Variants in NRXN3 observed in about 807,000 individuals in gnomAD.
NRXN3 encodes neurexin III.
In NRXN3, 32 loss-of-function variants were observed where a neutral mutation model predicts 137.6. The ratio of observed to expected loss-of-function variants is 0.23; its 90% CI spans 0.18 to 0.31. The LOEUF (loss-of-function observed/expected upper bound fraction) is 0.31, where lower values mean the gene tolerates loss of function less well. NRXN3 is among the 10% of genes least tolerant of loss of function. The pLI is 1.00. For synonymous variants in NRXN3, 798 were observed against 784.5 expected (o/e 1.02, Z -0.29); for missense variants, 1,574 against 2,062.5 (o/e 0.76, Z 4.59).
At chr14:78,358,636 C>T (rs1254761574) in intron 4 of NRXN3, among the ~76,000 whole-genome samples, 2 of 152,106 alleles carry the variant, frequency 1.3e-5, no homozygotes, top group African/African-American at 4.8e-5. Flanking sequence ...TGGCTAAGAA[C>T]GTTTGGGTAG....
intron 15 of NRXN3, among the ~76,000 whole-genome samples, chr14:79,062,099 T>C (rs1280645843): frequency 1.3e-5 from 2 of 152,220 alleles, no homozygotes; most frequent in African/African-American, 4.8e-5. Flanking sequence ...ACTGGCTATT[T>C]GGTATCTTCA....
chr14:79,515,568 G>GTT (rs144824917), intron 16 of NRXN3, among the ~76,000 whole-genome samples: 1,993 of 142,528 alleles, frequency 0.014, 196 homozygotes, highest in African/African-American at 0.059. Flanking sequence ...ATAAAGAGTA[G>GTT]TTTCTTACAT....
chr14:79,721,563 A>AG (rs1429933131), intron 19 of NRXN3, among the ~76,000 whole-genome samples: 1 of 152,142 alleles, frequency 6.6e-6, no homozygotes, highest in African/African-American at 2.4e-5. Flanking sequence ...GGGAATGATT[A>AG]GGGGAATTGA....
intron 4 of NRXN3, among the ~76,000 whole-genome samples, chr14:78,399,514 C>G (rs2091846804): frequency 6.6e-6 from 1 of 152,166 alleles, no homozygotes; most frequent in Non-Finnish European, 1.5e-5. Flanking sequence ...GTGCTGGACT[C>G]TCCTTAAAGC....
intron 4 of NRXN3, among the ~76,000 whole-genome samples, chr14:78,302,413 G>A (rs1597067857): frequency 6.6e-6 from 1 of 152,002 alleles, no homozygotes; most frequent in South Asian, 2.1e-4. Flanking sequence ...CTTGTTTTAC[G>A]GATAAGAACA....
At chr14:79,448,697 A>G (rs948698536) in intron 15 of NRXN3, among the ~76,000 whole-genome samples, 1 of 152,194 alleles carries the variant, frequency 6.6e-6, no homozygotes, top group African/African-American at 2.4e-5. Flanking sequence ...CTATAGAGCA[A>G]CCTGTGTCTG....
At chr14:79,171,875 A>C (rs575634901) in intron 15 of NRXN3, among the ~76,000 whole-genome samples, 3 of 151,668 alleles carry the variant, frequency 2.0e-5, no homozygotes, top group Non-Finnish European at 4.4e-5. Flanking sequence ...AGTTTAGTGG[A>C]ACTAAACTTT....
chr14:79,058,337 A>G (rs2152636410), intron 15 of NRXN3, among the ~76,000 whole-genome samples: 1 of 152,268 alleles, frequency 6.6e-6, no homozygotes, highest in Middle Eastern at 3.4e-3. Flanking sequence ...CCAGGTTTTT[A>G]GAATAACAAA....
chr14:78,813,958 T>C (rs979921293), intron 10 of NRXN3, among the ~76,000 whole-genome samples: 1 of 152,216 alleles, frequency 6.6e-6, no homozygotes, highest in African/African-American at 2.4e-5. Context: ...TAATCAGCTC[T>C]TCTTTCTGCC....
chr14:79,224,055 C>T (rs17108966), intron 15 of NRXN3, among the ~76,000 whole-genome samples: 3 of 151,980 alleles, frequency 2.0e-5, no homozygotes, highest in African/African-American at 4.8e-5. Context: ...CAACTTAGAG[C>T]GGACACATAG....
chr14:78,186,670 G>T (rs1378069503), intron 1 of NRXN3, among the ~76,000 whole-genome samples: 1 of 152,172 alleles, frequency 6.6e-6, no homozygotes, highest in South Asian at 2.1e-4. Context: ...TTAATAGGGG[G>T]TCCTCTCCCT....
intron 15 of NRXN3, among the ~76,000 whole-genome samples, chr14:79,211,021 TG>T (rs2067576475): frequency 6.6e-6 from 1 of 152,102 alleles, no homozygotes; most frequent in Non-Finnish European, 1.5e-5. Flanking sequence ...AAATAGAAAA[TG>T]TGGTCGCTAC....
intron 9 of NRXN3, among the ~76,000 whole-genome samples, chr14:78,805,617 G>C (rs912309440): frequency 4.2e-5 from 6 of 143,944 alleles, no homozygotes; most frequent in African/African-American, 1.4e-4. Flanking sequence ...AAAAAAAACA[G>C]AACCAAATAC....
At chr14:78,171,131 C>T (rs1211460025) in intron 1 of NRXN3, among the ~76,000 whole-genome samples, 1 of 151,104 alleles carries the variant, frequency 6.6e-6, no homozygotes, top group Non-Finnish European at 1.5e-5. Context: ...AGAAAGGACA[C>T]TCTGAGGATC....
At chr14:78,754,478 A>G (rs976936365) in intron 8 of NRXN3, among the ~76,000 whole-genome samples, 7 of 152,190 alleles carry the variant, frequency 4.6e-5, no homozygotes, top group African/African-American at 1.4e-4. Flanking sequence ...TCTTCTTCAC[A>G]TATTTTCTCA....
At chr14:79,709,668 C>T (rs775869407) in intron 19 of NRXN3, among the ~76,000 whole-genome samples, 1 of 151,998 alleles carries the variant, frequency 6.6e-6, no homozygotes, top group Admixed American at 6.6e-5. Context: ...CTTTCTCCTC[C>T]CGGATACTGA....
At chr14:78,715,264 T>A in intron 8 of NRXN3, 125 bp downstream of exon 8, 1 of 1,266,934 alleles carries the variant, frequency 7.9e-7, no homozygotes, top group Non-Finnish European at 1.1e-6. Flanking sequence ...TTTTTGGGTT[T>A]ACTGATTTCC....
intron 4 of NRXN3, among the ~76,000 whole-genome samples, chr14:78,432,458 G>A: frequency 6.6e-6 from 1 of 152,192 alleles, no homozygotes; most frequent in Non-Finnish European, 1.5e-5. Context: ...GCTAGAACAA[G>A]CTCTTCTGAC....
At chr14:79,471,371 G>A (rs1277312250) in intron 16 of NRXN3, among the ~76,000 whole-genome samples, 4 of 152,142 alleles carry the variant, frequency 2.6e-5, no homozygotes, top group African/African-American at 4.8e-5. Context: ...CACATGTGCC[G>A]ATGTGAGGTT....
Sources: gnomAD v4.1 joint callset for allele counts (sites outside exome capture counted in the v4.1 genomes callset) on GRCh38, gnomAD v4.1.1 for gene constraint, MANE v1.5 for transcripts, NCBI Gene and HGNC (gene_info 2026-07-23, HGNC 2026-07-21) for gene names.